Variants in ASTN2 observed in about 807,000 individuals in gnomAD.
The protein encoded by ASTN2 is astrotactin-2.
ASTN2 carries 54 observed loss-of-function variants against 139.8 expected under a neutral mutation model. The observed-to-expected ratio is 0.39, with a 90% CI of 0.31 to 0.48. The LOEUF (loss-of-function observed/expected upper bound fraction) is 0.48, where lower values mean the gene tolerates loss of function less well. Ranked by LOEUF, ASTN2 falls within the 20% of genes least tolerant of loss-of-function variation. ASTN2 has a pLI of 0.95. For missense variants in ASTN2, 1,565 were observed against 1,725.1 expected (o/e 0.91, Z 1.64); for synonymous variants, 756 against 719.5 (o/e 1.05, Z -0.81).
intron 10 of ASTN2, among the ~76,000 whole-genome samples, chr9:116,900,529 C>G (rs911230967): frequency 6.6e-6 from 1 of 152,066 alleles, no homozygotes; most frequent in Non-Finnish European, 1.5e-5. Flanking sequence ...AGGCTTAACC[C>G]TCAGAAATGA....
At chr9:117,299,587 G>C (rs1834826266) in intron 1 of ASTN2, among the ~76,000 whole-genome samples, 1 of 152,158 alleles carries the variant, frequency 6.6e-6, no homozygotes, top group Non-Finnish European at 1.5e-5. Context: ...TACAGTGGGG[G>C]GAACCGGTAT....
intron 19 of ASTN2, chr9:116,613,085 C>T (rs1408347976): frequency 6.6e-6 from 1 of 152,092 alleles, no homozygotes; most frequent in Non-Finnish European, 1.5e-5. Context: ...TTAGAGAATA[C>T]TATAAACACC....
intron 10 of ASTN2, among the ~76,000 whole-genome samples, chr9:116,877,632 G>A (rs1833337573): frequency 6.6e-6 from 1 of 152,124 alleles, no homozygotes; most frequent in East Asian, 1.9e-4. Flanking sequence ...TTTCCCTGGA[G>A]AGTATGAGAC....
chr9:117,414,585 G>C lies in ASTN2; in HGVS notation c.354C>G (p.Arg118=). The C allele has an allele frequency of 6.3e-7, 1 of 1,581,800 alleles. No homozygotes were observed. The highest frequency in any genetic ancestry group is 8.6e-7 in the Non-Finnish European group (1 of 1,166,634). Residue 118 remains arginine (R), a synonymous_variant, in exon 1 of 23, where the codon CGC becomes CGG. Coordinates refer to ENST00000313400, the MANE Select transcript of ASTN2 (RefSeq NM_001365068.1). The surrounding 1 kb of genome is among the most constrained non-coding windows in gnomAD (Gnocchi z 4.2). ...PGSAGTAAES[R]LLLFVRNELP... ...GCTCGTTACGCACAAAGAGCAGGAG[G>C]CGCGACTCGGCGGCGGTGCCGGCAG...
In ASTN2 at chr9:116,425,520, G is replaced by C. The variant is rs1339943795; in HGVS notation, c.*331C>G. On this transcript the variant is annotated 3_prime_UTR_variant, in exon 23 of 23. Coordinates refer to ENST00000313400, the MANE Select transcript of ASTN2 (RefSeq NM_001365068.1). Reference sequence around the variant, plus strand: ...AGAGTGTGGCAGGAAGAAGGAAGAAGAGCAAAGGCCGCTTGGTCTCCACCT... The same window carrying C: ...AGAGTGTGGCAGGAAGAAGGAAGAACAGCAAAGGCCGCTTGGTCTCCACCT... 2 of 1,570,086 alleles carry C rather than the reference G, an allele frequency of 1.3e-6. No individual in the cohort carries two copies. Among genetic ancestry groups the C allele is most frequent in the Non-Finnish European group, 1.7e-6 (2 of 1,144,160 alleles).
intron 5 of ASTN2, among the ~76,000 whole-genome samples, chr9:117,047,351 C>A (rs1838776852): frequency 6.6e-6 from 1 of 152,058 alleles, no homozygotes. Flanking sequence ...CTTGTCTCTC[C>A]CCATTTCTCC....
chr9:116,696,586 T>G (rs1860864906), intron 16 of ASTN2, among the ~76,000 whole-genome samples: 1 of 152,208 alleles, frequency 6.6e-6, no homozygotes. Context: ...ATCTTCCCTT[T>G]GAAAATTCTG....
rs767080614 is a variant in ASTN2, at chr9:116,976,769, A to G, written c.1608T>C (p.His536=). The stretch of plus-strand genomic sequence containing the variant: ...GAACAGGGTCAGGGGCATAGCCTTC[A>G]TGACAGCTGCACTCTCCTGTAAGTG... The part of the protein sequence containing the change: ...CDPETGECSC[H]EGYAPDPVHR... The change falls in exon 8 of 23, where the codon CAT becomes CAC. Residue 536 remains histidine (H), a synonymous_variant. Coordinates refer to ENST00000313400, the MANE Select transcript of ASTN2 (RefSeq NM_001365068.1). 4 of 1,614,070 alleles carry G rather than the reference A, an allele frequency of 2.5e-6. No homozygotes were observed. The highest frequency in any genetic ancestry group is 3.3e-5 in the Admixed American group (2 of 60,006).
chr9:116,753,632 T>G (rs1024971137), intron 13 of ASTN2, among the ~76,000 whole-genome samples: 1 of 152,184 alleles, frequency 6.6e-6, no homozygotes, highest in Non-Finnish European at 1.5e-5. Context: ...AGCTCTGTAC[T>G]TCCTGCTTAA....
At chr9:116,815,822 A>C (rs1831310578) in intron 12 of ASTN2, among the ~76,000 whole-genome samples, 1 of 148,538 alleles carries the variant, frequency 6.7e-6, no homozygotes, top group Non-Finnish European at 1.5e-5. Context: ...AAAAAAAAAA[A>C]AAAAAAGTTG....
At chr9:116,728,392 G>C (rs572282972) in intron 15 of ASTN2, among the ~76,000 whole-genome samples, 1 of 152,178 alleles carries the variant, frequency 6.6e-6, no homozygotes, top group Non-Finnish European at 1.5e-5. Flanking sequence ...CCAAGACAAA[G>C]AGGTCCAGGC....
At chr9:117,046,197 C>T (rs910595101) in intron 5 of ASTN2, among the ~76,000 whole-genome samples, 1 of 152,042 alleles carries the variant, frequency 6.6e-6, no homozygotes, top group Non-Finnish European at 1.5e-5. Context: ...GGCAGGGTTT[C>T]ACCATGTTGG....
At chr9:116,446,521 C>G (rs1848004257) in intron 20 of ASTN2, among the ~76,000 whole-genome samples, 1 of 152,192 alleles carries the variant, frequency 6.6e-6, no homozygotes, top group African/African-American at 2.4e-5. Flanking sequence ...CCAATAGATT[C>G]ATACAAAGAC....
chr9:116,673,245 CTTTG>C (rs1481458704), intron 16 of ASTN2, among the ~76,000 whole-genome samples: 1 of 152,128 alleles, frequency 6.6e-6, no homozygotes, highest in African/African-American at 2.4e-5. Context: ...TCCTTCCTTG[CTTTG>C]TTTGTGGGTT....
At chr9:117,281,244 G>A (rs1834316727) in intron 2 of ASTN2, among the ~76,000 whole-genome samples, 1 of 152,126 alleles carries the variant, frequency 6.6e-6, no homozygotes, top group East Asian at 1.9e-4. Flanking sequence ...CCCCATGAAT[G>A]TGGATCTCTC....
At chr9:116,997,044 T>C (rs1837045093) in intron 7 of ASTN2, among the ~76,000 whole-genome samples, 1 of 152,184 alleles carries the variant, frequency 6.6e-6, no homozygotes, top group African/African-American at 2.4e-5. Context: ...GGCTACCTTC[T>C]TCCTATATGC....
intron 10 of ASTN2, among the ~76,000 whole-genome samples, chr9:116,884,105 T>C (rs1304346817): frequency 6.6e-6 from 1 of 152,118 alleles, no homozygotes; most frequent in Non-Finnish European, 1.5e-5. Context: ...AAGCGGAGTG[T>C]GCCTAGAGTT....
intron 1 of ASTN2, among the ~76,000 whole-genome samples, chr9:117,374,252 C>A (rs1184296313): frequency 6.6e-6 from 1 of 151,774 alleles, no homozygotes; most frequent in Non-Finnish European, 1.5e-5. Flanking sequence ...CCAGTCTCTG[C>A]CTCATGCTGG....
chr9:116,758,628 T>C (rs541342652), intron 13 of ASTN2, among the ~76,000 whole-genome samples: 1 of 152,178 alleles, frequency 6.6e-6, no homozygotes, highest in African/African-American at 2.4e-5. Context: ...CAAGCCAAGC[T>C]TAGTGCGTAT....
Sources: allele counts gnomAD v4.1 joint callset (sites outside exome capture counted in the v4.1 genomes callset), GRCh38; gene constraint gnomAD v4.1.1; non-coding constraint Gnocchi (gnomAD v3.1); transcripts MANE v1.5; gene names NCBI Gene and HGNC (gene_info 2026-07-23, HGNC 2026-07-21).